Variants in CES5A observed in about 807,000 individuals in gnomAD.
CES5A encodes the protein carboxylesterase 5.
CES5A carries 67 observed loss-of-function variants against 62.9 expected under a neutral mutation model. The observed-to-expected ratio is 1.07, with a 90% confidence interval of 0.88 to 1.31. CES5A has a LOEUF of 1.31. CES5A is among the 50% of genes most tolerant of loss of function. The pLI, the probability that CES5A is intolerant of heterozygous loss-of-function variation, is 0.00. For missense variants in CES5A, 748 were observed against 708.5 expected (o/e 1.06, Z -0.63); for synonymous variants, 296 against 280.8 (o/e 1.05, Z -0.54).
intron 2 of CES5A, among the ~76,000 whole-genome samples, chr16:55,934,065 T>A (rs181705982): frequency 6.6e-6 from 1 of 152,326 alleles, no homozygotes; most frequent in Admixed American, 6.5e-5. Flanking sequence ...TCCTTCTCAA[T>A]ACTTTGCTCA....
intron 8 of CES5A, among the ~76,000 whole-genome samples, chr16:55,857,257 T>TC (rs1158635109): frequency 7.3e-4 from 111 of 152,256 alleles, no homozygotes; most frequent in Non-Finnish European, 5.9e-4. Context: ...AACAAGTACC[T>TC]CCCGCGAGGG....
intron 1 of CES5A, among the ~76,000 whole-genome samples, chr16:55,897,869 A>G (rs1221996342): frequency 1.3e-5 from 2 of 152,254 alleles, no homozygotes; most frequent in East Asian, 3.8e-4. Context: ...GTATATACAT[A>G]TAGTGGAACG....
upstream of CES5A, among the ~76,000 whole-genome samples, chr16:55,929,444 G>T (rs2034287794): frequency 6.6e-6 from 1 of 152,108 alleles, no homozygotes; most frequent in Non-Finnish European, 1.5e-5. Context: ...CAATCTGGCT[G>T]CATCTCTCAT....
At chr16:55,900,582 C>T (rs1349635817) in intron 1 of CES5A, among the ~76,000 whole-genome samples, 2 of 152,154 alleles carry the variant, frequency 1.3e-5, no homozygotes, top group East Asian at 1.9e-4. Flanking sequence ...ATTGCAATGC[C>T]ACAGCCACTT....
At position 55,908,547 on chromosome 16, in the gene CES5A, A is replaced by G. The variant is rs8060769; in HGVS notation, c.-256+16776T>C. On this transcript the variant is annotated intron_variant, in intron 1 of 12. Coordinates refer to the CES5A transcript ENST00000518005. ...GGCTAATTTTGTATTTTTCGTAGAG[A>G]CAGGGTTTCTCCATGTTGGTCAAAC... is the stretch of plus-strand genomic sequence containing the variant. Among the ~76,000 whole-genome samples, 434 of 152,144 alleles carry G rather than the reference A, an allele frequency of 2.9e-3. 3 individuals carry two copies. The highest frequency in any genetic ancestry group is 9.0e-3 in the African/African-American group (372 of 41,524).
At chr16:55,861,307 T>C in intron 7 of CES5A, 105 bp downstream of exon 7, 1 of 677,810 alleles carries the variant, frequency 1.5e-6, no homozygotes, top group Non-Finnish European at 2.6e-6. Context: ...TCAATCCTCC[T>C]CTTTTCTATG....
At chr16:55,867,970 C>A (rs2033498528) in intron 4 of CES5A, among the ~76,000 whole-genome samples, 1 of 152,164 alleles carries the variant, frequency 6.6e-6, no homozygotes, top group Non-Finnish European at 1.5e-5. Context: ...GCTGGGCACC[C>A]CTGGCTCAGC....
In CES5A at chr16:55,871,627, G is replaced by T; in HGVS notation, c.415C>A (p.Pro139Thr). The change falls in exon 3 of 13, where the codon CCC becomes ACC. Residue 139 changes from proline to threonine, a missense_variant and splice_region_variant. Pro to Thr is a conservative substitution (Grantham distance 38). Coordinates refer to ENST00000290567, the MANE Select transcript of CES5A (RefSeq NM_001143685.2). The part of the protein sequence containing the change: ...PAHADTGSKL[P>T]VLVWFPGGAF... ...AAGCACACAGCAGGCAGCCTTACGG[G>T]GAGCTTGGAGCCTGTATCGGCGTGG... The T allele has an allele frequency of 6.2e-7, 1 of 1,614,056 alleles. No individual in the cohort carries two copies. Among genetic ancestry groups the T allele is most frequent in the Non-Finnish European group, 8.5e-7 (1 of 1,179,990 alleles).
chr16:55,954,485 G>A (rs1428673932), intron 1 of CES5A, among the ~76,000 whole-genome samples: 3 of 152,166 alleles, frequency 2.0e-5, no homozygotes, highest in Admixed American at 6.5e-5. Context: ...AAAAACCAGG[G>A]TGGCCAAACA....
chr16:55,846,614 T>G lies in CES5A; in HGVS notation c.1565A>C (p.Asp522Ala). ...YNLTEQYLQL[D>A]LNMSLGQRLK... The stretch of plus-strand genomic sequence containing the variant: ...TCTCTGTCCGAGGCTCATGTTCAAG[T>G]CCAGCTGGAGGTACTGCTCAGTCAG... Residue 522 changes from aspartate (D) to alanine (A), a missense_variant, in exon 13 of 13, where the codon GAC becomes GCC. Coordinates refer to ENST00000290567, the MANE Select transcript of CES5A (RefSeq NM_001143685.2). The G allele has an allele frequency of 6.2e-7, 1 of 1,614,068 alleles. No individual in the cohort carries two copies. The highest frequency in any genetic ancestry group is 8.5e-7 in the Non-Finnish European group (1 of 1,180,012).
chr16:55,863,098 C>T (rs1170446916), intron 6 of CES5A, among the ~76,000 whole-genome samples: 1 of 152,126 alleles, frequency 6.6e-6, no homozygotes, highest in African/African-American at 2.4e-5. Flanking sequence ...CAAAGAATAA[C>T]GGGTAAGACA....
intron 7 of CES5A, among the ~76,000 whole-genome samples, chr16:55,861,112 T>C (rs1362880094): frequency 2.6e-5 from 4 of 152,242 alleles, no homozygotes; most frequent in Admixed American, 1.3e-4. Flanking sequence ...CTTCAGCTTC[T>C]GGAAGCATGC....
chr16:55,897,993 T>A (rs1336774078), intron 1 of CES5A, among the ~76,000 whole-genome samples: 1 of 152,128 alleles, frequency 6.6e-6, no homozygotes, highest in Non-Finnish European at 1.5e-5. Flanking sequence ...ACTGAATAAG[T>A]CCCAGAATGT....
At chr16:55,863,187 G>A (rs2033388580) in intron 6 of CES5A, among the ~76,000 whole-genome samples, 161 bp downstream of exon 6, 1 of 152,132 alleles carries the variant, frequency 6.6e-6, no homozygotes, top group Non-Finnish European at 1.5e-5. Context: ...ATTTCCTGTT[G>A]AACCAGACCT....
intron 3 of CES5A, among the ~76,000 whole-genome samples, chr16:55,870,326 A>T (rs1205428916): frequency 2.6e-5 from 4 of 151,840 alleles, no homozygotes; most frequent in Non-Finnish European, 5.9e-5. Context: ...GAAGGAGAAG[A>T]AGAAAGAGGA....
chr16:55,930,458 A>G (rs993835578), upstream of CES5A, among the ~76,000 whole-genome samples: 4 of 152,172 alleles, frequency 2.6e-5, no homozygotes, highest in Non-Finnish European at 4.4e-5. Flanking sequence ...CACTACTACA[A>G]GGAGTTATCA....
chr16:55,938,744 A>C (rs2034405719), intron 2 of CES5A, among the ~76,000 whole-genome samples: 1 of 61,090 alleles, frequency 1.6e-5, no homozygotes, highest in Non-Finnish European at 3.1e-5. Context: ...TCAAAAAAAA[A>C]AAAAAAAAAA....
At chr16:55,879,549 C>T (rs2033739697), upstream of CES5A, among the ~76,000 whole-genome samples, 1 of 152,138 alleles carries the variant, frequency 6.6e-6, no homozygotes, top group African/African-American at 2.4e-5. Flanking sequence ...ACTGCACCCC[C>T]ATCACTATAT....
chr16:55,908,778 T>C (rs181030927), intron 1 of CES5A, among the ~76,000 whole-genome samples: 3 of 152,310 alleles, frequency 2.0e-5, no homozygotes, highest in African/African-American at 7.2e-5. Flanking sequence ...GTATTGGCCA[T>C]AAGTACCTTG....
Sources: gnomAD v4.1 joint callset for allele counts (sites outside exome capture counted in the v4.1 genomes callset) on GRCh38, gnomAD v4.1.1 for gene constraint, MANE v1.5 for transcripts, NCBI Gene and HGNC (gene_info 2026-07-23, HGNC 2026-07-21) for gene names.